Variants in TRPV3 observed in about 807,000 individuals in gnomAD.
TRPV3 encodes VRL-3.
TRPV3 carries 88 observed loss-of-function variants against 87.1 expected under a neutral mutation model. The ratio of observed to expected loss-of-function variants is 1.01; its 90% confidence interval spans 0.85 to 1.21. The LOEUF (loss-of-function observed/expected upper bound fraction) is 1.21, where lower values mean the gene tolerates loss of function less well. Ranked by LOEUF, TRPV3 falls within the 50% of genes most tolerant of loss-of-function variation. The pLI, the probability that TRPV3 is intolerant of heterozygous loss-of-function variation, is 0.00. For missense variants in TRPV3, 1,054 were observed against 1,030.1 expected (o/e 1.02, Z -0.32); for synonymous variants, 438 against 423.3 (o/e 1.03, Z -0.43).
chr17:3,532,975 G>A, intron 7 of TRPV3, 38 bp from the exon 8 acceptor site: 1 of 1,604,788 alleles, frequency 6.2e-7, no homozygotes, highest in Non-Finnish European at 8.5e-7. Flanking sequence ...TTCTCTCATG[G>A]GCCGGAAGCA....
chr17:3,528,721 A>C lies in TRPV3; in HGVS notation c.1401+116T>G. On this transcript the variant is annotated intron_variant, in intron 10 of 17. Transcript: ENST00000576742. This position sits in a 1 kb window ranked among gnomAD's most constrained non-coding sequence, Gnocchi z 4.2. The stretch of plus-strand genomic sequence containing the variant: ...GGGAAGCGTGAAGGACAACTGGGGG[A>C]CCCCGCCCAATCTCCTGGTCTCTCT... The C allele has an allele frequency of 8.0e-7, 1 of 1,252,204 alleles. No homozygotes were observed. Among genetic ancestry groups the C allele is most frequent in the Non-Finnish European group, 1.1e-6 (1 of 906,076 alleles). The allele number at this position is 1,252,204 out of a possible 1,614,324, so 77.6% of individuals were successfully genotyped here. A position where few individuals can be genotyped will look rare whatever the true frequency, so the allele number is the denominator to read the frequency against.
intron 14 of TRPV3, among the ~76,000 whole-genome samples, chr17:3,519,195 T>C (rs940575364): frequency 9.2e-5 from 14 of 152,250 alleles, no homozygotes; most frequent in Non-Finnish European, 1.3e-4. Context: ...CTAGCCTGGG[T>C]CACCTCCCTC....
In TRPV3 at chr17:3,530,362, T is replaced by C; in HGVS notation, c.1066-159A>G. 1.6e-6 allele frequency: 1 copy of C among 637,786 alleles called. No individual in the cohort carries two copies. The highest frequency in any genetic ancestry group is 2.4e-5 in the South Asian group (1 of 41,334). The allele number at this position is 637,786 out of a possible 1,614,324, so 39.5% of individuals were successfully genotyped here. A position where few individuals can be genotyped will look rare whatever the true frequency, so the allele number is the denominator to read the frequency against. ...GCGCCATGGCCCCTGGGCCCCGTCT[T>C]TATCTGTGGAATGCGCACAAAGCTT... is the stretch of plus-strand genomic sequence containing the variant. On this transcript the variant is annotated intron_variant, in intron 8 of 17. Transcript: ENST00000576742. This position sits in a 1 kb window ranked among gnomAD's most constrained non-coding sequence, Gnocchi z 4.0.
chr17:3,522,262 T>C (rs1005219713), intron 13 of TRPV3, among the ~76,000 whole-genome samples: 1 of 152,170 alleles, frequency 6.6e-6, no homozygotes, highest in Non-Finnish European at 1.5e-5. Flanking sequence ...CCTAACTCTA[T>C]GTCCAGTAAC....
At chr17:3,546,659 C>T (rs770266862) in intron 2 of TRPV3, 9 of 455,866 alleles carry the variant, frequency 2.0e-5, no homozygotes, top group South Asian at 1.4e-4. Context: ...GGTCACGCAG[C>T]AGATAGGTAG....
Position 3,513,314 on chromosome 17 carries a change from G to A in TRPV3, c.*603C>T, listed in dbSNP as rs2074138414. ...GACAGTTTGAACCTTGGGGTGTCAG[G>A]GGACGTTCACTCCAAGGATGGTCTC... On this transcript the variant is annotated 3_prime_UTR_variant, in exon 18 of 18. Transcript: ENST00000576742. 1 of 152,598 alleles carries A rather than the reference G, an allele frequency of 6.6e-6. No homozygotes were observed. The highest frequency in any genetic ancestry group is 1.5e-5 in the Non-Finnish European group (1 of 68,068). The allele number at this position is 152,598 out of a possible 1,614,324, so 9.5% of individuals were successfully genotyped here.
chr17:3,515,262 C>T (rs746274207), intron 16 of TRPV3, among the ~76,000 whole-genome samples: 33 of 152,144 alleles, frequency 2.2e-4, no homozygotes, highest in Non-Finnish European at 4.1e-4. Flanking sequence ...CCACGGGGCG[C>T]GGTTTCAGTC....
At position 3,524,120 on chromosome 17, in the gene TRPV3, C is replaced by T. The variant is rs796538561; in HGVS notation, c.1743+78G>A. 12 of 1,559,964 alleles carry T rather than the reference C, an allele frequency of 7.7e-6. No individual in the cohort carries two copies. The African/African-American group carries it at 8.1e-5, about 11-fold the overall frequency. ...CCTGCCCCTTGGTAAACCCCTCTTC[C>T]TCTCCAGATCTCAGTTTCCCCATCT... On this transcript the variant is annotated intron_variant, in intron 13 of 17. Transcript: ENST00000576742.
chr17:3,514,603 T>C lies in TRPV3; in HGVS notation c.2268A>G (p.Val756=), dbSNP rs1363472022. Residue 756 remains valine (V), a synonymous_variant, in exon 17 of 18, where the codon GTA becomes GTG. Coordinates refer to ENST00000576742, the MANE Select transcript of TRPV3 (RefSeq NM_145068.4). The stretch of plus-strand genomic sequence containing the variant: ...TCACAGCGACAGTACCTGTTCGTCT[T>C]ACAGGCCCCGGGTCTTCGTTAAGGA... ...VSFLNEDPGP[V]RRTDFNKIQD... The C allele has an allele frequency of 1.2e-6, 2 of 1,613,464 alleles. No homozygotes were observed. The highest frequency in any genetic ancestry group is 1.7e-6 in the Non-Finnish European group (2 of 1,179,468).
intron 13 of TRPV3, among the ~76,000 whole-genome samples, chr17:3,522,551 AT>A (rs1371647980): frequency 6.6e-6 from 1 of 151,690 alleles, no homozygotes; most frequent in Admixed American, 6.6e-5. Context: ...TAATTTGTTG[AT>A]TCCCCCCCCC....
At chr17:3,527,986 C>A in intron 11 of TRPV3, 39 bp downstream of exon 11, 1 of 1,538,442 alleles carries the variant, frequency 6.5e-7, no homozygotes, top group South Asian at 1.1e-5. Context: ...ACCTGCCTGC[C>A]TCGCGGGGCG....
chr17:3,533,457 C>T (rs987897389), intron 7 of TRPV3, among the ~76,000 whole-genome samples: 67 of 152,000 alleles, frequency 4.4e-4, no homozygotes, highest in Non-Finnish European at 8.8e-4. Flanking sequence ...ATCCACCCTC[C>T]TCTTGTCCCA....
chr17:3,554,829 T>C lies in TRPV3; in HGVS notation c.22A>G (p.Met8Val). Residue 8 changes from methionine to valine, a missense_variant, in exon 2 of 18, where the codon ATG (methionine) becomes GTG (valine). By Grantham distance (21) the Met-to-Val change is conservative (BLOSUM62 1). Coordinates refer to ENST00000576742, the MANE Select transcript of TRPV3 (RefSeq NM_145068.4). MKAHPKEMVPLMGKRVAA... is the reference protein window; with the variant it reads MKAHPKEVVPLMGKRVAA... ...ACTCTCTTGCCCATGAGAGGCACCA[T>C]CTCCTTGGGGTGGGCTTTCATGGCT... The C allele has an allele frequency of 1.2e-6, 2 of 1,612,034 alleles. No individual in the cohort carries two copies. Among genetic ancestry groups the C allele is most frequent in the South Asian group, 1.1e-5 (1 of 90,714 alleles).
rs767621452 is a variant in TRPV3, at chr17:3,516,447, C to G, written c.2198+10G>C. On this transcript the variant is annotated intron_variant, in intron 16 of 17. Transcript: ENST00000576742. ...AGACCACCACCCCAGGGCCCTTCTCCCTTTGTTACCGCAAACACAGTCGGA... is the reference window on the plus strand; with the variant it reads ...AGACCACCACCCCAGGGCCCTTCTCGCTTTGTTACCGCAAACACAGTCGGA... 52 of 1,612,208 alleles carry G rather than the reference C, an allele frequency of 3.2e-5. No homozygotes were observed. The Middle Eastern group carries it at 4.9e-4, about 15-fold the overall frequency.
chr17:3,526,081 C>G (rs1171223364), intron 12 of TRPV3, among the ~76,000 whole-genome samples: 2 of 152,090 alleles, frequency 1.3e-5, no homozygotes, highest in Non-Finnish European at 2.9e-5. Context: ...AATAGCTAAC[C>G]AAAGTCACAA....
intron 5 of TRPV3, 64 bp from the exon 6 acceptor site, chr17:3,542,762 A>G: frequency 6.4e-7 from 1 of 1,552,814 alleles, no homozygotes; most frequent in Non-Finnish European, 8.7e-7. Flanking sequence ...CTCCCAGCCC[A>G]GAGGGTGTGG....
intron 4 of TRPV3, 49 bp downstream of exon 4, chr17:3,544,530 C>A (rs912884511): frequency 2.4e-6 from 3 of 1,251,744 alleles, no homozygotes; most frequent in South Asian, 1.3e-5. Context: ...CTCTCTGGCA[C>A]CCCCAGCCTG....
chr17:3,514,681 G>A lies in TRPV3; in HGVS notation c.2199-9C>T, dbSNP rs1482712561. The stretch of plus-strand genomic sequence containing the variant: ...ACTTCACCTCATTGATCCTGCAAAT[G>A]TGATAATCATTCTTACTATTTCACC... On this transcript the variant is annotated splice_polypyrimidine_tract_variant and intron_variant, in intron 16 of 17. Coordinates refer to ENST00000576742, the MANE Select transcript of TRPV3 (RefSeq NM_145068.4). 6.2e-7 allele frequency: 1 copy of A among 1,608,494 alleles called. No individual in the cohort carries two copies. The highest frequency in any genetic ancestry group is 2.2e-5 in the East Asian group (1 of 44,858).
chr17:3,542,399 T>C, intron 6 of TRPV3, 123 bp downstream of exon 6: 2 of 1,109,700 alleles, frequency 1.8e-6, no homozygotes, highest in Non-Finnish European at 2.5e-6. Flanking sequence ...GGTACCATGC[T>C]ACATGCTTGG....
Sources: gnomAD v4.1 joint callset for allele counts (sites outside exome capture counted in the v4.1 genomes callset) on GRCh38, gnomAD v4.1.1 for gene constraint, Gnocchi (gnomAD v3.1) non-coding constraint, MANE v1.5 for transcripts, NCBI Gene and HGNC (gene_info 2026-07-23, HGNC 2026-07-21) for gene names.